EDEM3: variants seen among roughly 807,000 people sequenced by gnomAD.
The protein encoded by EDEM3 is ER degradation-enhancing alpha-mannosidase-like protein 3.
EDEM3 carries 60 observed loss-of-function variants against 110.2 expected under a neutral mutation model. The ratio of observed to expected loss-of-function variants is 0.54; its 90% CI spans 0.44 to 0.67. The LOEUF is 0.67. Ranked by LOEUF, EDEM3 falls within the 30% of genes least tolerant of loss-of-function variation. The pLI, the probability that EDEM3 is intolerant of heterozygous loss-of-function variation, is 0.00. For synonymous variants in EDEM3, 352 were observed against 382.9 expected, an observed-to-expected ratio of 0.92 and a Z score of 0.94; for missense variants, 996 against 1,121.0, an observed-to-expected ratio of 0.89 and a Z score of 1.59.
intron 1 of EDEM3, among the ~76,000 whole-genome samples, chr1:184,751,159 T>C (rs1019302081): frequency 8.3e-5 from 12 of 145,016 alleles, no homozygotes; most frequent in African/African-American, 2.9e-4. Context: ...TAAGTTTACA[T>C]ATATATATAT....
chr1:184,714,935 C>G (rs1197913859), intron 13 of EDEM3, among the ~76,000 whole-genome samples: 1 of 152,126 alleles, frequency 6.6e-6, no homozygotes, highest in African/African-American at 2.4e-5. Context: ...CCTAAAAAAT[C>G]TAAAGCACAT....
intron 11 of EDEM3, 66 bp from the exon 12 acceptor site, chr1:184,717,689 A>G: frequency 1.7e-6 from 2 of 1,176,226 alleles, no homozygotes; most frequent in Non-Finnish European, 2.4e-6. Flanking sequence ...TCCAGAATAT[A>G]TAGAATATAT....
chr1:184,711,987 C>T lies in EDEM3; in HGVS notation c.1537-110G>A, dbSNP rs574439314. ...TGTTGCCCAGGCTGCAGTGCAGTGGCGTAATCTCTGCTCACTGTAAGCTCC... is the reference window on the plus strand; with the variant it reads ...TGTTGCCCAGGCTGCAGTGCAGTGGTGTAATCTCTGCTCACTGTAAGCTCC... On this transcript the variant is annotated intron_variant, in intron 14 of 19. Coordinates refer to ENST00000318130, the MANE Select transcript of EDEM3 (RefSeq NM_025191.4). 1.4e-4 allele frequency: 112 copies of T among 786,580 alleles called. 1 individual carries two copies. In the East Asian group the frequency reaches 2.8e-3, roughly 19 times the overall value. The allele number at this position is 786,580 out of a possible 1,614,324, so 48.7% of individuals were successfully genotyped here. A position where few individuals can be genotyped will look rare whatever the true frequency, so the allele number is the denominator to read the frequency against.
intron 2 of EDEM3, among the ~76,000 whole-genome samples, chr1:184,742,125 AG>A (rs1652177826): frequency 6.6e-6 from 1 of 152,204 alleles, no homozygotes. Flanking sequence ...ACTAGTGGCC[AG>A]GAACACTAAA....
At chr1:184,722,024 T>G (rs1490706242) in intron 8 of EDEM3, among the ~76,000 whole-genome samples, 1 of 151,994 alleles carries the variant, frequency 6.6e-6, no homozygotes, top group African/African-American at 2.4e-5. Flanking sequence ...TCTGGATTTT[T>G]CCTCTTAGGT....
In EDEM3 at chr1:184,694,177, T is replaced by C. The variant is rs1649208650; in HGVS notation, c.2685A>G (p.Glu895=). Residue 895 remains glutamate (E), a synonymous_variant, in exon 20 of 20, where the codon GAA becomes GAG. Transcript: ENST00000318130. ...NQLQEQSETE[E]DSNPNVSWGK... ...CCCAGCTAACATTAGGATTGGAATC[T>C]TCCTCAGTTTCTGATTGTTCTTGAA... 2 of 1,613,502 alleles carry C rather than the reference T, an allele frequency of 1.2e-6. No individual in the cohort carries two copies. Among genetic ancestry groups the C allele is most frequent in the African/African-American group, 1.3e-5 (1 of 75,030 alleles).
chr1:184,743,909 A>C (rs1652275952), intron 2 of EDEM3, among the ~76,000 whole-genome samples: 1 of 151,990 alleles, frequency 6.6e-6, no homozygotes, highest in Non-Finnish European at 1.5e-5. Flanking sequence ...ATCCACCTTT[A>C]CCTCACATCA....
At chr1:184,712,068 A>T (rs1259608637) in intron 14 of EDEM3, among the ~76,000 whole-genome samples, 191 bp from the exon 15 acceptor site, 2 of 151,942 alleles carry the variant, frequency 1.3e-5, no homozygotes, top group African/African-American at 4.8e-5. Context: ...CTGGGACTAC[A>T]GGCGCCCACT....
chr1:184,750,733 G>A (rs1446129815), intron 1 of EDEM3, among the ~76,000 whole-genome samples: 8 of 151,772 alleles, frequency 5.3e-5, no homozygotes, highest in African/African-American at 9.7e-5. Flanking sequence ...GGCTGGTCTC[G>A]AACTCCTGAC....
chr1:184,743,222 C>T (rs749339318), intron 2 of EDEM3, among the ~76,000 whole-genome samples: 2 of 152,100 alleles, frequency 1.3e-5, no homozygotes, highest in Non-Finnish European at 2.9e-5. Flanking sequence ...AAGCAAACTA[C>T]AGACAGTTTG....
chr1:184,735,407 G>C (rs939931825), intron 4 of EDEM3, among the ~76,000 whole-genome samples: 2 of 152,112 alleles, frequency 1.3e-5, no homozygotes, highest in East Asian at 1.9e-4. Flanking sequence ...GTAGATTCTT[G>C]CAATGAGCAG....
intron 4 of EDEM3, among the ~76,000 whole-genome samples, chr1:184,735,615 A>G (rs78386525): frequency 0.027 from 4,042 of 152,320 alleles, 199 homozygotes; most frequent in African/African-American, 0.092. Context: ...TTTATAAAAC[A>G]TTCCATAAGA....
chr1:184,713,249 A>G (rs1650360362), intron 13 of EDEM3, among the ~76,000 whole-genome samples: 1 of 152,162 alleles, frequency 6.6e-6, no homozygotes, highest in Non-Finnish European at 1.5e-5. Flanking sequence ...CCTGGGTGAC[A>G]GAGCAAGACT....
chr1:184,730,683 T>C (rs1651462120), intron 6 of EDEM3, among the ~76,000 whole-genome samples: 1 of 152,198 alleles, frequency 6.6e-6, no homozygotes, highest in Non-Finnish European at 1.5e-5. Flanking sequence ...GTCTGTTTAA[T>C]TTTTAAAAAG....
intron 11 of EDEM3, 108 bp downstream of exon 11, chr1:184,719,054 A>C: frequency 1.8e-6 from 1 of 557,134 alleles, no homozygotes. Flanking sequence ...CAAGCCTTGA[A>C]GATGACATTT....
intron 2 of EDEM3, among the ~76,000 whole-genome samples, chr1:184,748,546 T>C (rs1375831438): frequency 6.6e-6 from 1 of 152,050 alleles, no homozygotes; most frequent in Non-Finnish European, 1.5e-5. Context: ...TGTTGAAATG[T>C]ATCCAAAAAA....
chr1:184,696,330 G>A (rs1649325919), intron 19 of EDEM3, among the ~76,000 whole-genome samples: 1 of 151,910 alleles, frequency 6.6e-6, no homozygotes, highest in Admixed American at 6.6e-5. Flanking sequence ...TAAGAAGAGG[G>A]TATTTAAGCT....
At chr1:184,754,112 T>C (rs1652943900) in intron 1 of EDEM3, among the ~76,000 whole-genome samples, 1 of 152,116 alleles carries the variant, frequency 6.6e-6, no homozygotes, top group African/African-American at 2.4e-5. Context: ...AGTTGGAAGC[T>C]CACTTGCGCG....
intron 16 of EDEM3, among the ~76,000 whole-genome samples, chr1:184,708,983 T>C (rs762051264): frequency 1.3e-5 from 2 of 151,848 alleles, no homozygotes; most frequent in African/African-American, 2.4e-5. Context: ...AGAATGACTA[T>C]AATAGAAAAA....
Sources: allele counts gnomAD v4.1 joint callset (sites outside exome capture counted in the v4.1 genomes callset), GRCh38; gene constraint gnomAD v4.1.1; transcripts MANE v1.5; gene names NCBI Gene and HGNC (gene_info 2026-07-23, HGNC 2026-07-21).